CYP2C19: variants seen among roughly 807,000 people sequenced by gnomAD.
The protein encoded by CYP2C19 is cytochrome P450 2C19.
A neutral mutation model predicts 40.9 loss-of-function variants in CYP2C19; 59 were observed. That is an observed-to-expected ratio of 1.44 (90% CI 1.17 to 1.79). The LOEUF (loss-of-function observed/expected upper bound fraction) is 1.79. Among genes scored for constraint, CYP2C19 ranks in the 40% most tolerant of loss-of-function variants. The probability of loss-of-function intolerance (pLI) is 0.00; values close to 1 mark genes in which losing one functional copy is unlikely to be tolerated. For missense variants in CYP2C19, 754 were observed against 596.9 expected, an observed-to-expected ratio of 1.26 and a Z score of -2.74; for synonymous variants, 253 against 208.7, an observed-to-expected ratio of 1.21 and a Z score of -1.83.
intron 6 of CYP2C19, among the ~76,000 whole-genome samples, chr10:94,827,821 A>T (rs1367991537): frequency 6.6e-6 from 1 of 151,788 alleles, no homozygotes; most frequent in Non-Finnish European, 1.5e-5. Flanking sequence ...ATTTCCCTCT[A>T]CACACTGTTT....
chr10:94,850,233 G>T (rs1054278753), intron 8 of CYP2C19, among the ~76,000 whole-genome samples, 175 bp downstream of exon 8: 12 of 152,146 alleles, frequency 7.9e-5, no homozygotes, highest in Admixed American at 2.6e-4. Context: ...TATTCGGCCA[G>T]ATTAGTGGGT....
intron 1 of CYP2C19, among the ~76,000 whole-genome samples, chr10:94,766,721 C>T (rs377122962): frequency 7.9e-5 from 12 of 152,030 alleles, no homozygotes; most frequent in South Asian, 4.2e-4. Flanking sequence ...TCCAACAGTT[C>T]GCAGGTGTAT....
chr10:94,796,453 G>A (rs905565313), intron 5 of CYP2C19, among the ~76,000 whole-genome samples: 14 of 152,220 alleles, frequency 9.2e-5, no homozygotes, highest in African/African-American at 3.1e-4. Context: ...TGTTCTTTTG[G>A]CTTAGGATTG....
At chr10:94,782,709 C>T (rs1031761138) in intron 5 of CYP2C19, among the ~76,000 whole-genome samples, 1 of 152,002 alleles carries the variant, frequency 6.6e-6, no homozygotes, top group Non-Finnish European at 1.5e-5. Context: ...TGGAATCAAC[C>T]CAAATGTACA....
Position 94,762,721 on chromosome 10 carries a change from G to A in CYP2C19, c.16G>A (p.Val6Ile). 6.2e-7 allele frequency: 1 copy of A among 1,613,602 alleles called. No homozygotes were observed. Among genetic ancestry groups the A allele is most frequent in the Non-Finnish European group, 8.5e-7 (1 of 1,179,822 alleles). Residue 6 changes from valine (V) to isoleucine (I), a missense_variant, in exon 1 of 9, where the codon GTC becomes ATC. Transcript: ENST00000371321. ...GAAGGCTTCAATGGATCCTTTTGTG[G>A]TCCTTGTGCTCTGTCTCTCATGTTT... MDPFV[V>I]LVLCLSCLLL...
At chr10:94,844,307 C>G (rs1849540768) in intron 7 of CYP2C19, among the ~76,000 whole-genome samples, 1 of 152,142 alleles carries the variant, frequency 6.6e-6, no homozygotes, top group Non-Finnish European at 1.5e-5. Flanking sequence ...CATTCCTCTC[C>G]CATCGGCAGT....
chr10:94,782,011 A>G lies in CYP2C19; in HGVS notation c.819+14A>G, dbSNP rs747088384. 2 of 1,532,942 alleles carry G rather than the reference A, an allele frequency of 1.3e-6. No individual in the cohort carries two copies. The highest frequency in any genetic ancestry group is 2.6e-5 in the East Asian group (1 of 38,348). 95.0% of individuals were successfully genotyped at this position (1,532,942 alleles called of 1,614,324 possible). ...AAAATGGAGAAGGTAAAATGTTAAC[A>G]AAAGCTTAGTTATGTGACTGCTTGC... On this transcript the variant is annotated intron_variant, in intron 5 of 8. Coordinates refer to ENST00000371321, the MANE Select transcript of CYP2C19 (RefSeq NM_000769.4).
chr10:94,849,051 T>C (rs186544365), intron 7 of CYP2C19, among the ~76,000 whole-genome samples: 13 of 152,334 alleles, frequency 8.5e-5, no homozygotes, highest in African/African-American at 3.1e-4. Context: ...CATCTTTTCC[T>C]AATTGAATGC....
At chr10:94,770,830 T>G (rs1316630279) in intron 1 of CYP2C19, among the ~76,000 whole-genome samples, 1 of 152,086 alleles carries the variant, frequency 6.6e-6, no homozygotes, top group African/African-American at 2.4e-5. Flanking sequence ...ATGACTACAG[T>G]CCCCATGATC....
chr10:94,787,899 T>C (rs1848563139), intron 5 of CYP2C19, among the ~76,000 whole-genome samples: 1 of 152,156 alleles, frequency 6.6e-6, no homozygotes, highest in Non-Finnish European at 1.5e-5. Context: ...CCTTATTCTG[T>C]GAAAAATGAC....
intron 5 of CYP2C19, among the ~76,000 whole-genome samples, chr10:94,795,848 GTT>G (rs200069419): frequency 2.6e-5 from 4 of 151,444 alleles, no homozygotes; most frequent in Admixed American, 1.3e-4. Flanking sequence ...CTTTGATGGG[GTT>G]TTTTTTCTTG....
chr10:94,774,007 G>A (rs1296078642), intron 1 of CYP2C19: 1 of 152,034 alleles, frequency 6.6e-6, no homozygotes, highest in Non-Finnish European at 1.5e-5. Flanking sequence ...AGCATTGATT[G>A]GTACATTTTT....
chr10:94,820,557 T>C lies in CYP2C19; in HGVS notation c.881T>C (p.Leu294Ser). 1 of 1,614,166 alleles carries C rather than the reference T, an allele frequency of 6.2e-7. No homozygotes were observed. The highest frequency in any genetic ancestry group is 1.1e-5 in the South Asian group (1 of 91,080). ...AACTTGGTAATCACTGCAGCTGACTTACTTGGAGCTGGGACAGAGACAACA... is the reference window on the plus strand; with the variant it reads ...AACTTGGTAATCACTGCAGCTGACTCACTTGGAGCTGGGACAGAGACAACA... ...IENLVITAAD[L>S]LGAGTETTST... The change falls in exon 6 of 9, where the codon TTA (leucine) becomes TCA (serine). Residue 294 changes from leucine (L) to serine (S), a missense_variant. By Grantham distance (145) the Leu-to-Ser change is moderately radical (BLOSUM62 -2). Coordinates refer to ENST00000371321, the MANE Select transcript of CYP2C19 (RefSeq NM_000769.4).
At chr10:94,799,111 A>G (rs1339921414) in intron 5 of CYP2C19, among the ~76,000 whole-genome samples, 3 of 151,890 alleles carry the variant, frequency 2.0e-5, no homozygotes, top group Admixed American at 2.0e-4. Flanking sequence ...TGGTCTTTAC[A>G]ATTTAGCATG....
chr10:94,778,470 A>G (rs1348380182), intron 3 of CYP2C19, among the ~76,000 whole-genome samples: 2 of 152,180 alleles, frequency 1.3e-5, no homozygotes, highest in Non-Finnish European at 2.9e-5. Flanking sequence ...ATATCAACAG[A>G]CACTTCTCAA....
chr10:94,772,596 T>C (rs1848349313), intron 1 of CYP2C19, among the ~76,000 whole-genome samples: 1 of 152,152 alleles, frequency 6.6e-6, no homozygotes, highest in African/African-American at 2.4e-5. Flanking sequence ...CAACTTGTTG[T>C]CGGGACCCCG....
intron 3 of CYP2C19, 87 bp downstream of exon 3, chr10:94,775,626 A>G (rs1848397816): frequency 6.2e-7 from 1 of 1,607,232 alleles, no homozygotes; most frequent in Non-Finnish European, 8.5e-7. Flanking sequence ...GGGTGGCCAG[A>G]TCTTTTATTT....
At position 94,822,405 on chromosome 10, in the gene CYP2C19, G is replaced by A. The variant is rs533820402; in HGVS notation, c.961+1768G>A. Among the ~76,000 whole-genome samples, 12 of 152,274 alleles carry A rather than the reference G, an allele frequency of 7.9e-5. No individual in the cohort carries two copies. The East Asian group carries it at 2.3e-3, about 29-fold the overall frequency. On this transcript the variant is annotated intron_variant, in intron 6 of 8. Coordinates refer to ENST00000371321, the MANE Select transcript of CYP2C19 (RefSeq NM_000769.4). ...TTATGGGAGCCAAAGTCCAAGATGA[G>A]ATTTGAGTGGGGACACAGTCTAAAC...
intron 5 of CYP2C19, among the ~76,000 whole-genome samples, chr10:94,810,866 T>C (rs1409958198): frequency 6.6e-6 from 1 of 152,204 alleles, no homozygotes; most frequent in African/African-American, 2.4e-5. Context: ...TGAAGGGATT[T>C]TCCTGTCTCT....
Sources: gnomAD v4.1 joint callset for allele counts (sites outside exome capture counted in the v4.1 genomes callset) on GRCh38, gnomAD v4.1.1 for gene constraint, MANE v1.5 for transcripts, NCBI Gene and HGNC (gene_info 2026-07-23, HGNC 2026-07-21) for gene names.